ESR1: variants seen among roughly 807,000 people sequenced by gnomAD.
The protein encoded by ESR1 is estrogen receptor.
Under a neutral mutation model 52.7 loss-of-function variants are expected in ESR1, and 12 were observed. The ratio of observed to expected loss-of-function variants is 0.23; its 90% confidence interval spans 0.15 to 0.37. The LOEUF is 0.37. Ranked by LOEUF, ESR1 falls within the 10% of genes least tolerant of loss-of-function variation. The probability of loss-of-function intolerance (pLI) is 1.00; values close to 1 mark genes in which losing one functional copy is unlikely to be tolerated. For missense variants in ESR1, 584 were observed against 779.7 expected, an observed-to-expected ratio of 0.75 and a Z score of 2.99; for synonymous variants, 305 against 316.8, an observed-to-expected ratio of 0.96 and a Z score of 0.39.
intron 2 of ESR1, among the ~76,000 whole-genome samples, chr6:151,785,700 G>A (rs571901966): frequency 2.6e-5 from 4 of 152,234 alleles, no homozygotes; most frequent in Middle Eastern, 6.8e-3. Flanking sequence ...ACTCTGGGTC[G>A]TCACTCTGGG....
At chr6:151,700,280 T>G (rs564726435) in intron 1 of ESR1, among the ~76,000 whole-genome samples, 1 of 152,182 alleles carries the variant, frequency 6.6e-6, no homozygotes, top group African/African-American at 2.4e-5. Context: ...TTTTATAGTT[T>G]AGTTGAGTGT....
intron 6 of ESR1, among the ~76,000 whole-genome samples, chr6:152,082,213 A>G (rs1267758138): frequency 1.3e-5 from 2 of 152,242 alleles, no homozygotes; most frequent in African/African-American, 4.8e-5. Context: ...AAAATCCTCA[A>G]TAAAATACTG....
intron 6 of ESR1, among the ~76,000 whole-genome samples, chr6:152,086,208 T>C (rs1374791057): frequency 6.6e-6 from 1 of 152,072 alleles, no homozygotes; most frequent in East Asian, 1.9e-4. Flanking sequence ...AGATAGTAAC[T>C]GACTGTGGAG....
At chr6:151,871,972 C>T (rs1791052448) in intron 2 of ESR1, among the ~76,000 whole-genome samples, 1 of 152,152 alleles carries the variant, frequency 6.6e-6, no homozygotes, top group Admixed American at 6.5e-5. Context: ...TTTATTTATC[C>T]ATTTGTCTGT....
intron 2 of ESR1, among the ~76,000 whole-genome samples, chr6:151,789,706 A>G (rs1787344899): frequency 6.6e-6 from 1 of 152,250 alleles, no homozygotes; most frequent in Non-Finnish European, 1.5e-5. Context: ...ACTAATTTAT[A>G]TAACCAGCCC....
intron 1 of ESR1, among the ~76,000 whole-genome samples, chr6:151,668,425 C>T (rs1777906512): frequency 6.6e-6 from 1 of 151,988 alleles, no homozygotes; most frequent in South Asian, 2.1e-4. Flanking sequence ...ACTACAGGTG[C>T]CCGCCCGCCA....
At position 152,122,650 on chromosome 6, in the gene ESR1, G is replaced by A. The variant is rs1585315718; in HGVS notation, c.851-2616G>A. On this transcript the variant is annotated intron_variant, in intron 6 of 6. Coordinates refer to the ESR1 transcript ENST00000427531. ...CCGACCTGGCCCTGGCTCAGAAAGG[G>A]AGGAATCGGAGCCACCTTTTGTGGA... 1.9e-6 allele frequency: 3 copies of A among 1,614,056 alleles called. No individual in the cohort carries two copies. The African/African-American group carries it at 4.0e-5, about 22-fold the overall frequency.
At chr6:151,943,265 A>C (rs951851146) in intron 3 of ESR1, among the ~76,000 whole-genome samples, 3 of 152,094 alleles carry the variant, frequency 2.0e-5, no homozygotes, top group African/African-American at 7.2e-5. Flanking sequence ...CTGTAGTCCC[A>C]GCTACTCAGG....
intron 7 of ESR1, among the ~76,000 whole-genome samples, chr6:152,096,398 C>T (rs1248881908): frequency 6.6e-6 from 1 of 152,170 alleles, no homozygotes; most frequent in African/African-American, 2.4e-5. Context: ...CATTAAACTC[C>T]CAGGCACCAC....
rs1345063769 is a variant in ESR1, at chr6:151,971,254, C to A, written c.1096+26746C>A. Among the ~76,000 whole-genome samples the A allele has an allele frequency of 2.6e-5, 4 of 152,012 alleles. No homozygotes were observed. The East Asian group carries it at 7.7e-4, about 29-fold the overall frequency. On this transcript the variant is annotated intron_variant, in intron 4 of 7. Coordinates refer to ENST00000206249, the MANE Select transcript of ESR1 (RefSeq NM_000125.4). ...TGATGTTTGGTTACATGAATAAGTT[C>A]TTTAGTGGTGATTTCTGAGATTTTG...
At chr6:152,065,293 A>G (rs1428362235) in intron 6 of ESR1, among the ~76,000 whole-genome samples, 1 of 152,066 alleles carries the variant, frequency 6.6e-6, no homozygotes, top group African/African-American at 2.4e-5. Flanking sequence ...CCGTTGAGAG[A>G]CCCTGATGAA....
Position 151,807,752 on chromosome 6 carries a change from A to T in ESR1, c.-161A>T, listed in dbSNP as rs1048338459. On this transcript the variant is annotated 5_prime_UTR_variant, in exon 1 of 8. Coordinates refer to ENST00000206249, the MANE Select transcript of ESR1 (RefSeq NM_000125.4). ...GGTCGCCCGGCTTCACCGGACCCGC[A>T]GGCTCCCGGGGCAGGGCCGGGGCCA... The T allele has an allele frequency of 2.7e-5, 20 of 739,078 alleles. No individual in the cohort carries two copies. Among genetic ancestry groups the T allele is most frequent in the Non-Finnish European group, 4.4e-5 (19 of 431,208 alleles). The allele number at this position is 739,078 out of a possible 1,614,324, so 45.8% of individuals were successfully genotyped here. A position where few individuals can be genotyped will look rare whatever the true frequency, so the allele number is the denominator to read the frequency against.
intron 6 of ESR1, among the ~76,000 whole-genome samples, chr6:152,073,019 T>A (rs943785252): frequency 7.9e-5 from 12 of 152,250 alleles, no homozygotes; most frequent in Non-Finnish European, 1.8e-4. Flanking sequence ...TTGAAGCTGA[T>A]CTTTTGTACT....
chr6:152,071,304 G>A (rs6557198), intron 6 of ESR1, among the ~76,000 whole-genome samples: 33,904 of 152,054 alleles, frequency 0.22, 5,561 homozygotes, highest in African/African-American at 0.45. Context: ...GAAATTTACA[G>A]AAACAAAATA....
chr6:151,895,059 A>G (rs962939692), intron 3 of ESR1, among the ~76,000 whole-genome samples: 2 of 142,778 alleles, frequency 1.4e-5, no homozygotes, highest in African/African-American at 2.6e-5. Context: ...TCTATGATTT[A>G]TTTCTTTGAG....
At chr6:151,713,764 T>G (rs1261639827) in intron 2 of ESR1, among the ~76,000 whole-genome samples, 2 of 152,202 alleles carry the variant, frequency 1.3e-5, no homozygotes, top group Non-Finnish European at 2.9e-5. Flanking sequence ...TCTATCTATT[T>G]TGTTAATCTT....
chr6:151,872,566 T>G (rs1424230658), intron 2 of ESR1, among the ~76,000 whole-genome samples: 1 of 152,238 alleles, frequency 6.6e-6, no homozygotes, highest in Non-Finnish European at 1.5e-5. Flanking sequence ...ATTCCCACTT[T>G]TGTGTAAAAA....
intron 1 of ESR1, among the ~76,000 whole-genome samples, chr6:151,814,390 G>A (rs984037762): frequency 6.6e-6 from 1 of 151,754 alleles, no homozygotes; most frequent in Non-Finnish European, 1.5e-5. Context: ...AAGAGTTTTT[G>A]GCCTCTTTTA....
intron 4 of ESR1, among the ~76,000 whole-genome samples, chr6:151,998,271 A>C (rs560306839): frequency 1.3e-5 from 2 of 152,262 alleles, no homozygotes; most frequent in African/African-American, 4.8e-5. Context: ...TTTACATGTA[A>C]TTGTGCAATT....
Sources: gnomAD v4.1 joint callset for allele counts (sites outside exome capture counted in the v4.1 genomes callset) on GRCh38, gnomAD v4.1.1 for gene constraint, MANE v1.5 for transcripts, NCBI Gene and HGNC (gene_info 2026-07-23, HGNC 2026-07-21) for gene names.